The following HPSE2 variants were observed in gnomAD, a reference collection of about 807,000 sequenced individuals.
The protein encoded by HPSE2 is heparanase 2 (inactive), also known as inactive heparanase-2.
In HPSE2, 38 loss-of-function variants were observed where a neutral mutation model predicts 60.5. The observed-to-expected ratio is 0.63, with a 90% CI of 0.48 to 0.82. HPSE2 has a LOEUF of 0.82. HPSE2 is among the 40% of genes least tolerant of loss of function. The pLI is 0.00. For missense variants in HPSE2, 713 were observed against 740.4 expected (o/e 0.96, Z 0.43); for synonymous variants, 295 against 293.2 (o/e 1.01, Z -0.06).
intron 2 of HPSE2, among the ~76,000 whole-genome samples, chr10:99,146,001 A>G (rs1281784778): frequency 6.6e-6 from 1 of 152,224 alleles, no homozygotes; most frequent in Non-Finnish European, 1.5e-5. Flanking sequence ...AAACATGTAT[A>G]TACCAATTTC....
intron 3 of HPSE2, among the ~76,000 whole-genome samples, chr10:99,001,602 A>T (rs1270119876): frequency 6.6e-6 from 1 of 152,128 alleles, no homozygotes; most frequent in African/African-American, 2.4e-5. Flanking sequence ...CACCAAAAAA[A>T]CTACTGACAG....
intron 8 of HPSE2, among the ~76,000 whole-genome samples, chr10:98,619,909 TG>T (rs1486634397): frequency 2.0e-5 from 3 of 152,204 alleles, no homozygotes; most frequent in African/African-American, 7.2e-5. Flanking sequence ...TCTACTGCAG[TG>T]GTAAAGAAGC....
At chr10:98,704,375 A>G (rs1473488106) in intron 5 of HPSE2, among the ~76,000 whole-genome samples, 1 of 152,038 alleles carries the variant, frequency 6.6e-6, no homozygotes, top group East Asian at 1.9e-4. Context: ...TCAAACTACC[A>G]TTGACATTTT....
At chr10:98,463,538 A>G (rs1940397060) in intron 11 of HPSE2, among the ~76,000 whole-genome samples, 1 of 152,256 alleles carries the variant, frequency 6.6e-6, no homozygotes, top group Non-Finnish European at 1.5e-5. Flanking sequence ...GTGGTGGCTC[A>G]TGCCTGTAAT....
rs1845174805 is a variant in HPSE2, at chr10:99,126,657, A to G, written c.610+17581T>C. Among the ~76,000 whole-genome samples, 1 of 152,186 alleles carries G rather than the reference A, an allele frequency of 6.6e-6. No individual in the cohort carries two copies. The highest frequency in any genetic ancestry group is 6.5e-5 in the Admixed American group (1 of 15,278). ...AACCAGAGGTTCTGAGTCTCTACACATGACAACTTTACTGCTAGCATAATC... is the reference window on the plus strand; with the variant it reads ...AACCAGAGGTTCTGAGTCTCTACACGTGACAACTTTACTGCTAGCATAATC... On this transcript the variant is annotated intron_variant, in intron 3 of 11. Transcript: ENST00000370552. This position sits in a 1 kb window ranked among gnomAD's most constrained non-coding sequence, Gnocchi z 4.0.
intron 7 of HPSE2, among the ~76,000 whole-genome samples, chr10:98,622,543 G>A (rs1395229908): frequency 2.0e-5 from 3 of 152,256 alleles, no homozygotes; most frequent in Middle Eastern, 3.4e-3. Flanking sequence ...TTCATTTCTA[G>A]TGAGGTACAG....
chr10:98,999,532 CT>C (rs1956728889), intron 3 of HPSE2, among the ~76,000 whole-genome samples: 2 of 152,132 alleles, frequency 1.3e-5, no homozygotes, highest in Admixed American at 6.5e-5. Flanking sequence ...TCTTGTTTTT[CT>C]TCCCATGCAC....
chr10:99,009,777 G>C (rs1234821896), intron 3 of HPSE2, among the ~76,000 whole-genome samples: 1 of 152,174 alleles, frequency 6.6e-6, no homozygotes, highest in Non-Finnish European at 1.5e-5. Context: ...CACCAAAATA[G>C]AGTTGCTCAT....
intron 9 of HPSE2, among the ~76,000 whole-genome samples, chr10:98,542,418 C>T (rs1420166179): frequency 1.3e-5 from 2 of 152,066 alleles, no homozygotes; most frequent in African/African-American, 4.8e-5. Context: ...AAAAGCAGAG[C>T]GCCTCTCCTC....
At chr10:99,075,792 G>T (rs968380973) in intron 3 of HPSE2, among the ~76,000 whole-genome samples, 15 of 151,854 alleles carry the variant, frequency 9.9e-5, no homozygotes, top group Admixed American at 6.6e-5. Context: ...TTTGTCTCTT[G>T]TAACAGTTTA....
At chr10:98,751,221 C>A (rs924113733) in intron 3 of HPSE2, among the ~76,000 whole-genome samples, 11 of 152,126 alleles carry the variant, frequency 7.2e-5, no homozygotes, top group African/African-American at 2.7e-4. Context: ...AGCTACTATG[C>A]AAACAAAGCT....
intron 11 of HPSE2, among the ~76,000 whole-genome samples, chr10:98,475,799 G>A (rs963308539): frequency 7.2e-5 from 11 of 152,132 alleles, no homozygotes; most frequent in African/African-American, 2.7e-4. Context: ...CTAGAATTCT[G>A]TGATTGGGAG....
At chr10:99,260,404 G>A in the HPSE2 span, among the ~76,000 whole-genome samples, 1 of 152,132 alleles carries the variant, frequency 6.6e-6, no homozygotes, top group Non-Finnish European at 1.5e-5. Context: ...GATTCATGAG[G>A]AGATCCACCT....
At chr10:98,515,521 G>C (rs2133757394) in intron 9 of HPSE2, among the ~76,000 whole-genome samples, 1 of 152,248 alleles carries the variant, frequency 6.6e-6, no homozygotes, top group South Asian at 2.1e-4. Context: ...GGTCATTACA[G>C]TGTGCAGAAT....
chr10:99,196,280 C>G (rs1487344853), intron 2 of HPSE2, among the ~76,000 whole-genome samples: 1 of 152,040 alleles, frequency 6.6e-6, no homozygotes, highest in Non-Finnish European at 1.5e-5. Flanking sequence ...CAGAAAATCT[C>G]TAGGACATTG....
At chr10:99,186,255 G>T (rs11190011) in intron 2 of HPSE2, among the ~76,000 whole-genome samples, 74,987 of 151,688 alleles carry the variant, frequency 0.49, 21,696 homozygotes, top group Non-Finnish European at 0.64. Flanking sequence ...ATAAGAATAA[G>T]AATTGCAGAC....
intron 3 of HPSE2, among the ~76,000 whole-genome samples, chr10:98,902,695 A>G (rs1330533614): frequency 6.6e-6 from 1 of 152,174 alleles, no homozygotes; most frequent in East Asian, 1.9e-4. Context: ...TGGTGCATTT[A>G]ATTGTATGCA....
intron 9 of HPSE2, among the ~76,000 whole-genome samples, chr10:98,498,781 G>C (rs926072612): frequency 1.4e-4 from 21 of 152,198 alleles, no homozygotes; most frequent in Admixed American, 1.2e-3. Flanking sequence ...AAATATTCAA[G>C]GAAATAGATA....
chr10:99,228,970 T>C (rs1849560899), intron 2 of HPSE2, among the ~76,000 whole-genome samples: 1 of 150,534 alleles, frequency 6.6e-6, no homozygotes, highest in African/African-American at 2.4e-5. Context: ...AGGTCAGGAG[T>C]TCAAGACCAG....
Sources: gnomAD v4.1 joint callset for allele counts (sites outside exome capture counted in the v4.1 genomes callset) on GRCh38, gnomAD v4.1.1 for gene constraint, Gnocchi (gnomAD v3.1) non-coding constraint, MANE v1.5 for transcripts, NCBI Gene and HGNC (gene_info 2026-07-23, HGNC 2026-07-21) for gene names.